Variants in LGR5 observed in about 807,000 individuals in gnomAD.
The protein encoded by LGR5 is leucine-rich repeat-containing G protein-coupled receptor 5.
A neutral mutation model predicts 76.7 loss-of-function variants in LGR5; 54 were observed. The observed-to-expected ratio is 0.70, with a 90% CI of 0.57 to 0.88. The LOEUF is 0.88. Among genes scored for constraint, LGR5 ranks in the 40% least tolerant of loss-of-function variants. LGR5 has a pLI of 0.00. For missense variants in LGR5, 1,078 were observed against 1,073.3 expected (o/e 1.00, Z -0.06); for synonymous variants, 406 against 421.9 (o/e 0.96, Z 0.46).
intron 4 of LGR5, among the ~76,000 whole-genome samples, chr12:71,551,681 A>G (rs1877491733): frequency 6.6e-6 from 1 of 152,198 alleles, no homozygotes; most frequent in Non-Finnish European, 1.5e-5. Flanking sequence ...CCTTTAAATT[A>G]TAGCCACTGT....
intron 1 of LGR5, among the ~76,000 whole-genome samples, chr12:71,459,169 A>C (rs1324477819): frequency 1.3e-5 from 2 of 152,078 alleles, no homozygotes; most frequent in Non-Finnish European, 2.9e-5. Context: ...GTGAGATCTG[A>C]CCTATAATTA....
chr12:71,530,123 G>A (rs1191053487), intron 3 of LGR5, among the ~76,000 whole-genome samples: 1 of 151,938 alleles, frequency 6.6e-6, no homozygotes, highest in Non-Finnish European at 1.5e-5. Context: ...CAACAATAAA[G>A]TATATTGATT....
At chr12:71,542,751 A>C (rs1249499309) in intron 4 of LGR5, among the ~76,000 whole-genome samples, 1 of 152,152 alleles carries the variant, frequency 6.6e-6, no homozygotes, top group Non-Finnish European at 1.5e-5. Context: ...GGAGACGGCT[A>C]TACATATTTG....
At chr12:71,543,021 C>A (rs1370937583) in intron 4 of LGR5, among the ~76,000 whole-genome samples, 1 of 8,576 alleles carries the variant, frequency 1.2e-4, no homozygotes, top group African/African-American at 1.3e-4. Flanking sequence ...ACTGCTAAAT[C>A]TTCAGCACCA....
intron 4 of LGR5, among the ~76,000 whole-genome samples, chr12:71,541,228 C>CT (rs1174582706): frequency 1.3e-5 from 2 of 152,068 alleles, no homozygotes; most frequent in African/African-American, 4.8e-5. Flanking sequence ...GAAGAGAGAG[C>CT]TAAAATTGGA....
chr12:71,500,363 A>G (rs1190970940), intron 1 of LGR5, among the ~76,000 whole-genome samples: 1 of 152,100 alleles, frequency 6.6e-6, no homozygotes, highest in African/African-American at 2.4e-5. Flanking sequence ...TGAACATTCG[A>G]GTCACCTGAA....
intron 1 of LGR5, among the ~76,000 whole-genome samples, chr12:71,453,571 C>T (rs904059642): frequency 4.0e-5 from 6 of 151,308 alleles, no homozygotes; most frequent in Admixed American, 2.0e-4. Flanking sequence ...CAGTATCAGC[C>T]GTTGATTTGC....
chr12:71,532,424 A>G (rs1014940380), intron 3 of LGR5, among the ~76,000 whole-genome samples: 1 of 152,042 alleles, frequency 6.6e-6, no homozygotes, highest in African/African-American at 2.4e-5. Context: ...TACATTTGAG[A>G]CTCTTGATTT....
rs1320772310 is a variant in LGR5, at chr12:71,514,353, G to C, written c.284+9668G>C. On this transcript the variant is annotated intron_variant, in intron 2 of 17. Transcript: ENST00000266674. ...GGAGGCCGAGGCAGGTGGATCACGA[G>C]GTCAGGAGATCGAGACCATCCTGGC... Among the ~76,000 whole-genome samples the C allele has an allele frequency of 2.6e-5, 4 of 151,974 alleles. No individual in the cohort carries two copies. The East Asian group carries it at 7.7e-4, about 29-fold the overall frequency.
chr12:71,514,931 G>A (rs1389511597), intron 2 of LGR5, among the ~76,000 whole-genome samples: 1 of 152,164 alleles, frequency 6.6e-6, no homozygotes, highest in Admixed American at 6.5e-5. Flanking sequence ...CTCAAATGGG[G>A]AGAAAATTAG....
intron 16 of LGR5, among the ~76,000 whole-genome samples, chr12:71,581,257 C>A (rs188540844): frequency 5.9e-5 from 9 of 152,188 alleles, no homozygotes; most frequent in African/African-American, 1.2e-4. Context: ...TACCCCACCC[C>A]GGGGTATCTG....
intron 1 of LGR5, among the ~76,000 whole-genome samples, chr12:71,500,348 CT>C (rs1874545222): frequency 6.6e-6 from 1 of 152,136 alleles, no homozygotes; most frequent in Non-Finnish European, 1.5e-5. Flanking sequence ...GTTTTCAGCC[CT>C]GGCTGAACAT....
At chr12:71,528,391 G>T (rs918672358) in intron 3 of LGR5, among the ~76,000 whole-genome samples, 2 of 152,166 alleles carry the variant, frequency 1.3e-5, no homozygotes, top group African/African-American at 4.8e-5. Context: ...GAGCCTAGGA[G>T]GTTGGGGCTA....
In LGR5 at chr12:71,570,672, C is replaced by T. The variant is rs145231023; in HGVS notation, c.1071-842C>T. Among the ~76,000 whole-genome samples the T allele has an allele frequency of 7.0e-4, 106 of 152,064 alleles. 1 individual carries two copies. Among genetic ancestry groups the T allele is most frequent in the Middle Eastern group, 3.4e-3 (1 of 294 alleles). On this transcript the variant is annotated intron_variant, in intron 11 of 17. Coordinates refer to ENST00000266674, the MANE Select transcript of LGR5 (RefSeq NM_003667.4). Reference sequence around the variant, plus strand: ...AGCAGCTTCATTTGTACTATTTATGCGGAGTAAATGGACTTTATTCCTTTA... The same window carrying T: ...AGCAGCTTCATTTGTACTATTTATGTGGAGTAAATGGACTTTATTCCTTTA...
Position 71,462,739 on chromosome 12 carries a change from G to A in LGR5, c.212+22447G>A, listed in dbSNP as rs148224113. 1.5e-3 allele frequency among the ~76,000 whole-genome samples: 223 copies of A among 152,120 alleles called. 1 individual carries two copies. The highest frequency in any genetic ancestry group is 6.2e-3 in the East Asian group (32 of 5,164). On this transcript the variant is annotated intron_variant, in intron 1 of 17. Transcript: ENST00000266674. ...GAAGCTTTGCACTCTGACTAATTCC[G>A]TCTTCCTCTTGCCAGTTTTGGCTGT...
intron 4 of LGR5, 25 bp from the exon 5 acceptor site, chr12:71,553,048 C>G (rs1877569561): frequency 6.2e-7 from 1 of 1,608,152 alleles, no homozygotes; most frequent in Non-Finnish European, 8.5e-7. Flanking sequence ...CTCTCTTTTC[C>G]ATTCTTGCTT....
chr12:71,492,787 G>GTTAC (rs1565688545), intron 1 of LGR5, among the ~76,000 whole-genome samples: 25 of 145,846 alleles, frequency 1.7e-4, no homozygotes, highest in African/African-American at 7.1e-4. Flanking sequence ...TCTTGATTTT[G>GTTAC]AGTTATGATA....
chr12:71,542,127 T>C, intron 4 of LGR5, among the ~76,000 whole-genome samples: 1 of 152,212 alleles, frequency 6.6e-6, no homozygotes, highest in African/African-American at 2.4e-5. Context: ...GTCTGGTCCC[T>C]CACTACCTAT....
intron 3 of LGR5, among the ~76,000 whole-genome samples, chr12:71,527,380 A>G (rs1372830012): frequency 1.3e-5 from 2 of 152,210 alleles, no homozygotes; most frequent in African/African-American, 4.8e-5. Flanking sequence ...GGGAAGTCCA[A>G]GATCAAGGTG....
Sources: allele counts gnomAD v4.1 joint callset (sites outside exome capture counted in the v4.1 genomes callset), GRCh38; gene constraint gnomAD v4.1.1; transcripts MANE v1.5; gene names NCBI Gene and HGNC (gene_info 2026-07-23, HGNC 2026-07-21).